The following VPS13B variants were observed in gnomAD, a reference collection of about 807,000 sequenced individuals.
The protein encoded by VPS13B is intermembrane lipid transfer protein VPS13B.
In VPS13B, 285 loss-of-function variants were observed where a neutral mutation model predicts 426.4. That is an observed-to-expected ratio of 0.67 (90% CI 0.61 to 0.74). VPS13B has a LOEUF of 0.74. Among genes scored for constraint, VPS13B ranks in the 30% least tolerant of loss-of-function variants. The probability of loss-of-function intolerance (pLI) is 0.00; values close to 1 mark genes in which losing one functional copy is unlikely to be tolerated. For synonymous variants in VPS13B, 1,676 were observed against 1,676.4 expected (o/e 1.00, Z 0.01); for missense variants, 4,537 against 4,782.6 (o/e 0.95, Z 1.51).
intron 23 of VPS13B, among the ~76,000 whole-genome samples, chr8:99,455,088 T>C (rs142907332): frequency 6.6e-6 from 1 of 152,312 alleles, no homozygotes; most frequent in African/African-American, 2.4e-5. Flanking sequence ...TGTTTTTGTT[T>C]GCAGAAATTT....
chr8:99,206,183 G>A (rs906749437), intron 17 of VPS13B, among the ~76,000 whole-genome samples: 4 of 152,096 alleles, frequency 2.6e-5, no homozygotes, highest in African/African-American at 9.7e-5. Flanking sequence ...TCCTTGTTCA[G>A]AAGTTCATTA....
intron 17 of VPS13B, among the ~76,000 whole-genome samples, chr8:99,229,675 G>T (rs771737434): frequency 2.2e-4 from 34 of 152,094 alleles, no homozygotes; most frequent in Non-Finnish European, 4.3e-4. Flanking sequence ...TTGGCTTAAA[G>T]GAGAGATAGA....
At chr8:99,336,732 C>T (rs1242199184) in intron 19 of VPS13B, among the ~76,000 whole-genome samples, 2 of 152,146 alleles carry the variant, frequency 1.3e-5, no homozygotes, top group Non-Finnish European at 2.9e-5. Flanking sequence ...CAAAAGAAGA[C>T]ATTTATGCAG....
At chr8:99,318,714 G>T (rs984118936) in intron 19 of VPS13B, among the ~76,000 whole-genome samples, 5 of 152,046 alleles carry the variant, frequency 3.3e-5, no homozygotes, top group African/African-American at 1.2e-4. Flanking sequence ...TTAGAGACGG[G>T]GTTTCACCAT....
intron 29 of VPS13B, among the ~76,000 whole-genome samples, chr8:99,516,687 C>A (rs1003876684): frequency 1.2e-4 from 17 of 140,768 alleles, no homozygotes; most frequent in Admixed American, 5.4e-4. Flanking sequence ...ACTCAGGAGG[C>A]TGAGGTGGGA....
intron 17 of VPS13B, among the ~76,000 whole-genome samples, chr8:99,238,465 C>T (rs918897299): frequency 6.6e-6 from 1 of 152,090 alleles, no homozygotes; most frequent in Non-Finnish European, 1.5e-5. Flanking sequence ...TGCTTGAGCT[C>T]AGCTGTGTAG....
chr8:99,794,462 C>A (rs1812706919), intron 43 of VPS13B, among the ~76,000 whole-genome samples: 1 of 152,162 alleles, frequency 6.6e-6, no homozygotes, highest in Non-Finnish European at 1.5e-5. Flanking sequence ...TTATTAAATT[C>A]AATCAGATAA....
intron 3 of VPS13B, among the ~76,000 whole-genome samples, chr8:99,047,234 A>C (rs929635809): frequency 2.0e-5 from 3 of 152,054 alleles, no homozygotes; most frequent in African/African-American, 7.2e-5. Flanking sequence ...CAGGGTATCA[A>C]ATTCTTCCTG....
At chr8:99,748,131 C>A (rs901902309) in intron 39 of VPS13B, among the ~76,000 whole-genome samples, 10 of 152,120 alleles carry the variant, frequency 6.6e-5, no homozygotes, top group African/African-American at 2.4e-4. Flanking sequence ...GGCTTTTATT[C>A]TACCCTATAA....
rs773324603 is a variant in VPS13B at position 99,861,877 on chromosome 8, C to G, written c.11146C>G (p.Arg3716Gly). The change falls in exon 58 of 62, where the codon CGG (arginine) becomes GGG (glycine). Residue 3716 changes from arginine to glycine, a missense_variant. Physicochemically the swap from Arg to Gly is moderately radical, Grantham distance 125. Around this residue, in one of 2 missense-constraint regions of VPS13B, gnomAD observed 4,311 missense variants for 4,474.3 expected, o/e 0.96. Transcript: ENST00000357162. ...EHYNRQEEWR[R>G]QLPESLGEGL... ...CTACAACCGGCAGGAGGAGTGGCGGCGGCAGCTCCCCGAGAGCCTGGGCGA... is the reference window on the plus strand; with the variant it reads ...CTACAACCGGCAGGAGGAGTGGCGGGGGCAGCTCCCCGAGAGCCTGGGCGA... 1 of 1,595,724 alleles carries G rather than the reference C, an allele frequency of 6.3e-7. No individual in the cohort carries two copies.
chr8:99,233,583 C>CA, intron 17 of VPS13B: 1 of 1,225,292 alleles, frequency 8.2e-7, no homozygotes. Context: ...GTATTAACAG[C>CA]CAGCATATCA....
intron 19 of VPS13B, among the ~76,000 whole-genome samples, chr8:99,284,237 T>C (rs1224701664): frequency 6.6e-6 from 1 of 152,226 alleles, no homozygotes; most frequent in African/African-American, 2.4e-5. Flanking sequence ...AATTACTTTG[T>C]GTTAGTTGAT....
At chr8:99,386,018 G>A (rs962921967) in intron 20 of VPS13B, among the ~76,000 whole-genome samples, 6 of 152,098 alleles carry the variant, frequency 3.9e-5, no homozygotes, top group Non-Finnish European at 5.9e-5. Flanking sequence ...ATAGGAAATT[G>A]GTATAAACAG....
intron 17 of VPS13B, among the ~76,000 whole-genome samples, chr8:99,229,832 G>A (rs1816229318): frequency 6.6e-6 from 1 of 152,148 alleles, no homozygotes; most frequent in Non-Finnish European, 1.5e-5. Flanking sequence ...GGAGGTCAGT[G>A]GAGGGTTTCA....
chr8:99,510,558 C>T (rs1326700616), intron 28 of VPS13B, among the ~76,000 whole-genome samples: 1 of 152,098 alleles, frequency 6.6e-6, no homozygotes, highest in East Asian at 1.9e-4. Context: ...GTTGGAGAGC[C>T]GTGGCTCAAT....
chr8:99,425,726 A>C (rs532733729), intron 21 of VPS13B, among the ~76,000 whole-genome samples: 1 of 152,290 alleles, frequency 6.6e-6, no homozygotes, highest in Admixed American at 6.5e-5. Flanking sequence ...AGAAGGAAAT[A>C]AAGGGTATTC....
chr8:99,432,937 T>C (rs1464104834), intron 22 of VPS13B, among the ~76,000 whole-genome samples: 1 of 152,198 alleles, frequency 6.6e-6, no homozygotes. Context: ...AGAAAACTAA[T>C]GCAGTCCTGT....
chr8:99,282,941 A>G (rs534860773), intron 19 of VPS13B, among the ~76,000 whole-genome samples: 1 of 152,326 alleles, frequency 6.6e-6, no homozygotes, highest in African/African-American at 2.4e-5. Flanking sequence ...AAGGAAAGCC[A>G]CAATTACAAC....
intron 5 of VPS13B, among the ~76,000 whole-genome samples, chr8:99,108,088 A>G (rs1209886597): frequency 1.3e-5 from 2 of 152,212 alleles, no homozygotes; most frequent in Admixed American, 1.3e-4. Flanking sequence ...TATAATTGAG[A>G]ACATGCAGTG....
Sources: gnomAD v4.1 joint callset for allele counts (sites outside exome capture counted in the v4.1 genomes callset) on GRCh38, gnomAD v4.1.1 for gene constraint, gnomAD v4.1.1 regional missense constraint, MANE v1.5 for transcripts, NCBI Gene and HGNC (gene_info 2026-07-23, HGNC 2026-07-21) for gene names.